Variants in DENND10 observed in about 807,000 individuals in gnomAD.
DENND10 encodes DENN domain-containing protein 10.
DENND10 carries 24 observed loss-of-function variants against 43.6 expected under a neutral mutation model. The observed-to-expected ratio is 0.55, with a 90% CI of 0.40 to 0.77. The LOEUF is 0.77. Among genes scored for constraint, DENND10 ranks in the 30% least tolerant of loss-of-function variants. The pLI is 0.00. For missense variants in DENND10, 303 were observed against 429.9 expected, an observed-to-expected ratio of 0.70 and a Z score of 2.61; for synonymous variants, 125 against 157.6, an observed-to-expected ratio of 0.79 and a Z score of 1.55.
At chr10:119,120,257 AG>A (rs1387918931) in intron 4 of DENND10, 83 bp from the exon 5 acceptor site, 4 of 882,440 alleles carry the variant, frequency 4.5e-6, no homozygotes, top group African/African-American at 3.5e-5. Flanking sequence ...CAAAAAAAAA[AG>A]AAAAAAGAAA....
chr10:119,107,911 C>G (rs1285659285), intron 1 of DENND10, 57 bp from the exon 2 acceptor site: 4 of 1,495,584 alleles, frequency 2.7e-6, no homozygotes, highest in Admixed American at 3.3e-5. Context: ...AGTAACCAAT[C>G]AATTCACTTC....
intron 1 of DENND10, 70 bp downstream of exon 1, chr10:119,104,267 C>G: frequency 7.2e-7 from 1 of 1,396,308 alleles, no homozygotes; most frequent in Non-Finnish European, 9.5e-7. Context: ...CGGCCCGGGG[C>G]AGCCCGGGCT....
At chr10:119,116,835 A>T (rs1415041414) in intron 3 of DENND10, among the ~76,000 whole-genome samples, 14 of 144,684 alleles carry the variant, frequency 9.7e-5, no homozygotes, top group African/African-American at 3.6e-4. Context: ...CACCTGGCTA[A>T]TTTTTTTTTT....
rs374111394 is a variant in DENND10 at position 119,123,600 on chromosome 10, T to A, written c.694+31T>A. The A allele has an allele frequency of 4.2e-6, 6 of 1,439,454 alleles. No homozygotes were observed. The African/African-American group carries it at 8.2e-5, about 20-fold the overall frequency. The allele number at this position is 1,439,454 out of a possible 1,614,324, so 89.2% of individuals were successfully genotyped here. A position where few individuals can be genotyped will look rare whatever the true frequency, so the allele number is the denominator to read the frequency against. On this transcript the variant is annotated intron_variant, in intron 6 of 8. Coordinates refer to ENST00000361432, the MANE Select transcript of DENND10 (RefSeq NM_207009.4). Reference sequence around the variant, plus strand: ...CAAGAGGATCCCAGGGGAGGAACTGTTTCACTTTTTTTTTTTTTTTTTTCC... The same window carrying A: ...CAAGAGGATCCCAGGGGAGGAACTGATTCACTTTTTTTTTTTTTTTTTTCC...
rs371160192 is a variant in DENND10, at chr10:119,132,952, A to C, written c.897+343A>C. ...AATTTCCCTGGAGGAACAAATTATA[A>C]AGGGGAGGTTGTTGCTGAGCATGGG... On this transcript the variant is annotated intron_variant, in intron 8 of 8. Coordinates refer to ENST00000361432, the MANE Select transcript of DENND10 (RefSeq NM_207009.4). This position sits in a 1 kb window ranked among gnomAD's most constrained non-coding sequence, Gnocchi z 4.2. 7.4e-6 allele frequency: 2 copies of C among 268,890 alleles called. No homozygotes were observed. Among genetic ancestry groups the C allele is most frequent in the East Asian group, 1.6e-4 (2 of 12,256 alleles). 16.7% of individuals were successfully genotyped at this position (268,890 alleles called of 1,614,324 possible). A position where few individuals can be genotyped will look rare whatever the true frequency, so the allele number is the denominator to read the frequency against.
intron 8 of DENND10, among the ~76,000 whole-genome samples, chr10:119,135,616 AGAC>A (rs1206132145): frequency 1.3e-5 from 2 of 151,972 alleles, no homozygotes; most frequent in African/African-American, 4.8e-5. Context: ...TCACAGAGTT[AGAC>A]GGCAGAATAG....
At chr10:119,109,353 TAATCCCAAG>T (rs1450496418) in intron 2 of DENND10, among the ~76,000 whole-genome samples, 2 of 152,156 alleles carry the variant, frequency 1.3e-5, no homozygotes, top group Non-Finnish European at 2.9e-5. Context: ...TGGACTTTCC[TAATCCCAAG>T]CAACCAGCAG....
At chr10:119,120,503 C>A in intron 5 of DENND10, 51 bp downstream of exon 5, 1 of 1,137,408 alleles carries the variant, frequency 8.8e-7, no homozygotes, top group Non-Finnish European at 1.3e-6. Flanking sequence ...AGACAGTTCG[C>A]AGCACTAGAT....
chr10:119,108,481 CAA>C lies in DENND10; in HGVS notation c.252+333_252+334del, dbSNP rs371995219. Among the ~76,000 whole-genome samples, 77 of 98,922 alleles carry C rather than the reference CAA, an allele frequency of 7.8e-4. No individual in the cohort carries two copies. The Middle Eastern group carries it at 0.015, about 19-fold the overall frequency. 64.9% of individuals were successfully genotyped at this position (98,922 alleles called of 152,430 possible). ...CTGGCGACAGAGCGAGACTCCGTCT[CAA>C]AAAAAAAAAAAAAAAGAAAAGAAAA... On this transcript the variant is annotated intron_variant, in intron 2 of 8. Coordinates refer to ENST00000361432, the MANE Select transcript of DENND10 (RefSeq NM_207009.4).
At chr10:119,135,791 T>TAAAAAAAAA (rs367836571) in intron 8 of DENND10, among the ~76,000 whole-genome samples, 2,213 of 63,740 alleles carry the variant, frequency 0.035, 110 homozygotes, top group South Asian at 0.055. Flanking sequence ...ACTAAAATTG[T>TAAAAAAAAA]AAAAAAAAAA....
intron 7 of DENND10, among the ~76,000 whole-genome samples, chr10:119,131,771 G>T (rs999532993): frequency 6.6e-6 from 1 of 152,120 alleles, no homozygotes; most frequent in African/African-American, 2.4e-5. Context: ...CAAACTATGG[G>T]GTCAGATCTT....
chr10:119,109,484 A>G (rs1378786342), intron 2 of DENND10, among the ~76,000 whole-genome samples: 1 of 152,214 alleles, frequency 6.6e-6, no homozygotes, highest in African/African-American at 2.4e-5. Context: ...TAGTGCGACT[A>G]TGTGAAGCAT....
rs770983524 is a variant in DENND10 at position 119,119,720 on chromosome 10, AT to A, written c.482-604del. Among the ~76,000 whole-genome samples the A allele has an allele frequency of 6.2e-3, 866 of 140,492 alleles. 2 individuals are homozygous for A. The highest frequency in any genetic ancestry group is 0.011 in the African/African-American group (403 of 38,318). 92.2% of individuals were successfully genotyped at this position (140,492 alleles called of 152,430 possible). ...ATGAGTCACCCTGCACCTGGCAGAC[AT>A]TTTTTTTTTTTTTTTTAAATCAGGA... On this transcript the variant is annotated intron_variant, in intron 4 of 8. Coordinates refer to ENST00000361432, the MANE Select transcript of DENND10 (RefSeq NM_207009.4).
chr10:119,114,891 TC>T (rs1317694557), intron 3 of DENND10, among the ~76,000 whole-genome samples: 2 of 151,984 alleles, frequency 1.3e-5, no homozygotes, highest in Non-Finnish European at 2.9e-5. Context: ...TGCTGCAGCC[TC>T]CCAAGTAGTG....
At chr10:119,113,676 C>T (rs190197160) in intron 3 of DENND10, among the ~76,000 whole-genome samples, 51 of 110,650 alleles carry the variant, frequency 4.6e-4, no homozygotes, top group Non-Finnish European at 8.0e-4. Flanking sequence ...TGTATATACA[C>T]ACACCAAAAG....
intron 2 of DENND10, among the ~76,000 whole-genome samples, chr10:119,109,981 T>G (rs1844899651): frequency 6.6e-6 from 1 of 151,848 alleles, no homozygotes; most frequent in African/African-American, 2.4e-5. Context: ...CCCAGCTAGT[T>G]TTTAAATTTT....
chr10:119,128,654 G>GT (rs1000262331), intron 6 of DENND10, among the ~76,000 whole-genome samples: 2 of 151,708 alleles, frequency 1.3e-5, no homozygotes, highest in African/African-American at 4.8e-5. Context: ...AAGAAAAGAA[G>GT]TTGAATTGGC....
At chr10:119,117,690 A>T in intron 4 of DENND10, 23 bp downstream of exon 4, 1 of 1,611,840 alleles carries the variant, frequency 6.2e-7, no homozygotes, top group East Asian at 2.2e-5. Context: ...AAAACAGGCC[A>T]GGGACGGTGG....
At chr10:119,123,615 T>A in intron 6 of DENND10, 46 bp downstream of exon 6, 1 of 1,457,936 alleles carries the variant, frequency 6.9e-7, no homozygotes, top group Non-Finnish European at 9.5e-7. Context: ...CTTTTTTTTT[T>A]TTTTTTTTCC....
Sources: allele counts gnomAD v4.1 joint callset (sites outside exome capture counted in the v4.1 genomes callset), GRCh38; gene constraint gnomAD v4.1.1; non-coding constraint Gnocchi (gnomAD v3.1); transcripts MANE v1.5; gene names NCBI Gene and HGNC (gene_info 2026-07-23, HGNC 2026-07-21).